The following FGF12 variants were observed in gnomAD, a reference collection of about 807,000 sequenced individuals.
FGF12 encodes the protein fibroblast growth factor 12B.
FGF12 carries 14 observed loss-of-function variants against 23.6 expected under a neutral mutation model. The ratio of observed to expected loss-of-function variants is 0.59; its 90% CI spans 0.39 to 0.93. The LOEUF (loss-of-function observed/expected upper bound fraction) is 0.93. FGF12 is among the 40% of genes least tolerant of loss of function. FGF12 has a pLI of 0.00. For synonymous variants in FGF12, 62 were observed against 77.3 expected (o/e 0.80, Z 1.04); for missense variants, 175 against 217.8 (o/e 0.80, Z 1.24).
intron 2 of FGF12, among the ~76,000 whole-genome samples, chr3:192,612,070 A>G (rs1388727165): frequency 6.6e-6 from 1 of 151,966 alleles, no homozygotes; most frequent in Non-Finnish European, 1.5e-5. Flanking sequence ...ATGCCACCAC[A>G]TGACTCTCTA....
chr3:192,524,286 C>T (rs1196920277), intron 2 of FGF12, among the ~76,000 whole-genome samples: 1 of 152,138 alleles, frequency 6.6e-6, no homozygotes, highest in Non-Finnish European at 1.5e-5. Flanking sequence ...ATTGAATTTT[C>T]TCTGTAAATT....
chr3:192,724,689 C>A (rs1042309663), intron 2 of FGF12, among the ~76,000 whole-genome samples: 17 of 152,232 alleles, frequency 1.1e-4, no homozygotes, highest in South Asian at 8.3e-4. Context: ...TCTTCTTTAC[C>A]CTGTATGACA....
rs1373536055 is a variant in FGF12 at position 192,588,112 on chromosome 3, G to A, written c.13+139069C>T. On this transcript the variant is annotated intron_variant, in intron 2 of 5. Coordinates refer to ENST00000445105, the MANE Select transcript of FGF12 (RefSeq NM_004113.6). ...TGTAATCGCAGCACTTTAGGAGGCC[G>A]AGGTGGGTGAATAACCAGGTCAGGA... 4.0e-5 allele frequency among the ~76,000 whole-genome samples: 6 copies of A among 151,456 alleles called. 1 individual carries two copies. The highest frequency in any genetic ancestry group is 7.4e-5 in the Non-Finnish European group (5 of 67,818).
At chr3:192,518,108 T>A (rs1395352380) in intron 2 of FGF12, among the ~76,000 whole-genome samples, 1 of 152,188 alleles carries the variant, frequency 6.6e-6, no homozygotes, top group African/African-American at 2.4e-5. Context: ...ATAATATTTT[T>A]AATTTTATAT....
chr3:192,560,401 A>T (rs1415938394), intron 2 of FGF12, among the ~76,000 whole-genome samples: 1 of 152,058 alleles, frequency 6.6e-6, no homozygotes, highest in Non-Finnish European at 1.5e-5. Context: ...TGGAAAATTT[A>T]AAAGCCAAAG....
chr3:192,475,659 A>T lies in FGF12; in HGVS notation c.14-115121T>A, dbSNP rs79401271. Among the ~76,000 whole-genome samples, 46 of 152,346 alleles carry T rather than the reference A, an allele frequency of 3.0e-4. No individual in the cohort carries two copies. The East Asian group carries it at 8.1e-3, about 27-fold the overall frequency. Reference sequence around the variant, plus strand: ...ATTATGGATTCCAGTATTTCAGGAGAGGCCCATGTTTTCTAGACCAAATCT... The same window carrying T: ...ATTATGGATTCCAGTATTTCAGGAGTGGCCCATGTTTTCTAGACCAAATCT... On this transcript the variant is annotated intron_variant, in intron 2 of 5. Coordinates refer to ENST00000445105, the MANE Select transcript of FGF12 (RefSeq NM_004113.6).
chr3:192,417,118 A>G (rs1156668185), intron 2 of FGF12, among the ~76,000 whole-genome samples: 1 of 152,108 alleles, frequency 6.6e-6, no homozygotes, highest in East Asian at 1.9e-4. Context: ...TTTATTTAAA[A>G]GTAGGCTGGA....
intron 4 of FGF12, among the ~76,000 whole-genome samples, chr3:192,298,666 G>T (rs1715174349): frequency 6.6e-6 from 1 of 152,142 alleles, no homozygotes; most frequent in Non-Finnish European, 1.5e-5. Context: ...AGAATCACTT[G>T]AACCCAGGAG....
At chr3:192,674,655 A>C (rs1398894463) in intron 2 of FGF12, among the ~76,000 whole-genome samples, 1 of 152,256 alleles carries the variant, frequency 6.6e-6, no homozygotes, top group Non-Finnish European at 1.5e-5. Context: ...AGTTTCTGTC[A>C]AATGATTACT....
chr3:192,264,575 A>C (rs1324154501), intron 4 of FGF12, among the ~76,000 whole-genome samples: 2 of 152,078 alleles, frequency 1.3e-5, no homozygotes, highest in Non-Finnish European at 2.9e-5. Context: ...TCCTCTATTC[A>C]ACCTAAGGAA....
At chr3:192,706,437 G>T (rs930583981) in intron 2 of FGF12, among the ~76,000 whole-genome samples, 2 of 151,968 alleles carry the variant, frequency 1.3e-5, no homozygotes, top group South Asian at 4.2e-4. Flanking sequence ...CCGACTGACC[G>T]CCGAACAGCA....
chr3:192,493,505 G>A (rs571662602), intron 2 of FGF12, among the ~76,000 whole-genome samples: 12 of 152,220 alleles, frequency 7.9e-5, no homozygotes, highest in African/African-American at 2.4e-4. Context: ...GAATGTATTC[G>A]TCAGGACTTG....
intron 5 of FGF12, among the ~76,000 whole-genome samples, chr3:192,168,425 C>A (rs912229677): frequency 5.3e-5 from 8 of 152,166 alleles, no homozygotes; most frequent in African/African-American, 1.9e-4. Flanking sequence ...ATCCCTACCT[C>A]TCATCTCAAA....
chr3:192,620,587 A>G (rs1240770412), intron 2 of FGF12, among the ~76,000 whole-genome samples: 1 of 152,136 alleles, frequency 6.6e-6, no homozygotes, highest in Non-Finnish European at 1.5e-5. Context: ...TCAAGAGTCC[A>G]TATTATTTAG....
chr3:192,620,601 T>C (rs1714938527), intron 2 of FGF12, among the ~76,000 whole-genome samples: 1 of 152,174 alleles, frequency 6.6e-6, no homozygotes, highest in African/African-American at 2.4e-5. Context: ...TATTTAGCTT[T>C]TACGTTCTGA....
At chr3:192,500,405 C>T (rs1229861721) in intron 2 of FGF12, among the ~76,000 whole-genome samples, 1 of 152,028 alleles carries the variant, frequency 6.6e-6, no homozygotes, top group Non-Finnish European at 1.5e-5. Context: ...TCAGTTTGTC[C>T]CTGTGGTATT....
chr3:192,154,476 A>G (rs9694161), intron 5 of FGF12, among the ~76,000 whole-genome samples: 20,331 of 103,346 alleles, frequency 0.2, 2,153 homozygotes, highest in Middle Eastern at 0.24. Flanking sequence ...TGATGGTGAT[A>G]TACAGATGGG....
intron 2 of FGF12, among the ~76,000 whole-genome samples, chr3:192,522,157 C>T (rs1724834346): frequency 6.6e-6 from 1 of 150,458 alleles, no homozygotes; most frequent in Admixed American, 6.6e-5. Flanking sequence ...GAGATCGCGC[C>T]ACTGCACTCC....
At chr3:192,659,628 T>C (rs572285715) in intron 2 of FGF12, among the ~76,000 whole-genome samples, 1 of 152,304 alleles carries the variant, frequency 6.6e-6, no homozygotes, top group South Asian at 2.1e-4. Context: ...ATTACCCTTA[T>C]AGAAAAAGTT....
Sources: allele counts gnomAD v4.1 joint callset (sites outside exome capture counted in the v4.1 genomes callset), GRCh38; gene constraint gnomAD v4.1.1; transcripts MANE v1.5; gene names NCBI Gene and HGNC (gene_info 2026-07-23, HGNC 2026-07-21).